The following CRK variants were observed in gnomAD, a reference collection of about 807,000 sequenced individuals.
CRK encodes the protein adapter molecule crk.
In CRK, 4 loss-of-function variants were observed where a neutral mutation model predicts 29.8. The observed-to-expected ratio is 0.13, with a 90% CI of 0.07 to 0.31. The LOEUF is 0.31. CRK is among the 10% of genes least tolerant of loss of function. The probability of loss-of-function intolerance (pLI) is 1.00; values close to 1 mark genes in which losing one functional copy is unlikely to be tolerated. For missense variants in CRK, 274 were observed against 396.5 expected (o/e 0.69, Z 2.62); for synonymous variants, 153 against 164.9 (o/e 0.93, Z 0.55).
At chr17:1,428,560 G>C (rs1179088436) in intron 2 of CRK, among the ~76,000 whole-genome samples, 1 of 115,870 alleles carries the variant, frequency 8.6e-6, no homozygotes, top group Non-Finnish European at 1.6e-5. Context: ...GTCTCACTCT[G>C]TTGCCCTGGC....
At chr17:1,431,157 T>G (rs952589418) in intron 2 of CRK, among the ~76,000 whole-genome samples, 2 of 152,190 alleles carry the variant, frequency 1.3e-5, no homozygotes, top group South Asian at 2.1e-4. Flanking sequence ...AAAATGCTCC[T>G]GAGGTCCCAA....
At chr17:1,436,169 A>AG in intron 2 of CRK, among the ~76,000 whole-genome samples, 1 of 152,114 alleles carries the variant, frequency 6.6e-6, no homozygotes, top group African/African-American at 2.4e-5. Flanking sequence ...ATTAGTGGTA[A>AG]GGAACTTCAA....
intron 1 of CRK, among the ~76,000 whole-genome samples, chr17:1,441,540 G>A (rs956723716): frequency 6.6e-6 from 1 of 151,690 alleles, no homozygotes; most frequent in African/African-American, 2.4e-5. Flanking sequence ...CACCCAGGCT[G>A]GAGTGCACTG....
At chr17:1,450,683 A>C (rs971503044) in intron 1 of CRK, among the ~76,000 whole-genome samples, 6 of 151,490 alleles carry the variant, frequency 4.0e-5, no homozygotes, top group African/African-American at 1.5e-4. Flanking sequence ...CAGGAGTTCA[A>C]GACCAGCCTG....
At chr17:1,426,170 G>C (rs543034744) in intron 2 of CRK, 1 of 152,090 alleles carries the variant, frequency 6.6e-6, no homozygotes, top group Non-Finnish European at 1.5e-5. Context: ...TGGGCAACAA[G>C]ACCCTGTCTG....
chr17:1,456,151 C>G lies in CRK; in HGVS notation c.-34G>C. On this transcript the variant is annotated 5_prime_UTR_variant, in exon 1 of 3. Coordinates refer to ENST00000300574, the MANE Select transcript of CRK (RefSeq NM_016823.4). The stretch of plus-strand genomic sequence containing the variant: ...CCGCGCCTAAACGCTGGGGTGCCGC[C>G]GCCGCGCGCGCCCCTCCGGCCCCCG... 2.8e-6 allele frequency: 4 copies of G among 1,444,554 alleles called. No homozygotes were observed. Among genetic ancestry groups the G allele is most frequent in the Non-Finnish European group, 3.6e-6 (4 of 1,098,752 alleles). The allele number at this position is 1,444,554 out of a possible 1,614,324, so 89.5% of individuals were successfully genotyped here. A position where few individuals can be genotyped will look rare whatever the true frequency, so the allele number is the denominator to read the frequency against.
chr17:1,440,167 T>A (rs976450468), intron 1 of CRK, among the ~76,000 whole-genome samples: 4 of 151,586 alleles, frequency 2.6e-5, no homozygotes, highest in African/African-American at 9.7e-5. Flanking sequence ...GGCGTGGTGG[T>A]GGGCACCTGT....
chr17:1,455,891 G>T lies in CRK; in HGVS notation c.227C>A (p.Ala76Asp). Reference sequence around the variant, plus strand: ...CAGTCCCTCACCGGGCGGAGGCTGGGCGGGCGACGGTGGCACCGGCGGGCG... The same window carrying T: ...CAGTCCCTCACCGGGCGGAGGCTGGTCGGGCGACGGTGGCACCGGCGGGCG... ...GPRPPVPPSPAQPPPGVSPSR... is the reference protein window; with the variant it reads ...GPRPPVPPSPDQPPPGVSPSR... Residue 76 changes from alanine (A) to aspartate (D), a missense_variant, in exon 1 of 3, where the codon GCC (alanine) becomes GAC (aspartate). This residue lies in a region of CRK where 135 missense variants were observed against 180.9 expected (regional missense o/e 0.75). Coordinates refer to ENST00000300574, the MANE Select transcript of CRK (RefSeq NM_016823.4). 6.3e-7 allele frequency: 1 copy of T among 1,588,072 alleles called. No homozygotes were observed. The highest frequency in any genetic ancestry group is 1.4e-5 in the African/African-American group (1 of 72,048).
Position 1,422,968 on chromosome 17 carries a change from CTAG to C in CRK, c.*542_*544del, listed in dbSNP as rs2073742312. 5.0e-6 allele frequency: 2 copies of C among 398,924 alleles called. No individual in the cohort carries two copies. The highest frequency in any genetic ancestry group is 8.8e-6 in the Non-Finnish European group (2 of 226,196). 24.7% of individuals were successfully genotyped at this position (398,924 alleles called of 1,614,324 possible). A position where few individuals can be genotyped will look rare whatever the true frequency, so the allele number is the denominator to read the frequency against. On this transcript the variant is annotated 3_prime_UTR_variant, in exon 3 of 3. Coordinates refer to ENST00000300574, the MANE Select transcript of CRK (RefSeq NM_016823.4). ...ATTGACTAGGAGGGAACAAATGCTTCTAGTAGTGTTCTTAGAATTCTTAGGATC... is the reference window on the plus strand; with the variant it reads ...ATTGACTAGGAGGGAACAAATGCTTCTAGTGTTCTTAGAATTCTTAGGATC...
chr17:1,424,461 T>C (rs973949075), intron 2 of CRK: 2 of 152,244 alleles, frequency 1.3e-5, no homozygotes, highest in African/African-American at 4.8e-5. Flanking sequence ...AAAGCGATCA[T>C]GGCAAGCATA....
intron 2 of CRK, chr17:1,424,786 G>T (rs958498525): frequency 6.6e-6 from 1 of 152,146 alleles, no homozygotes. Context: ...GACACAGGTG[G>T]ATGGATTGCT....
At chr17:1,433,974 A>G (rs1338988526) in intron 2 of CRK, among the ~76,000 whole-genome samples, 2 of 151,968 alleles carry the variant, frequency 1.3e-5, no homozygotes, top group Non-Finnish European at 2.9e-5. Flanking sequence ...TGCTGGGATT[A>G]CAGGCGTAAG....
intron 1 of CRK, 138 bp downstream of exon 1, chr17:1,455,739 A>G: frequency 8.0e-7 from 1 of 1,242,832 alleles, no homozygotes; most frequent in Non-Finnish European, 1.0e-6. Flanking sequence ...GAGCCCGAGC[A>G]GCCGGCGGGC....
chr17:1,441,271 G>A (rs145537808), intron 1 of CRK, among the ~76,000 whole-genome samples: 1 of 152,092 alleles, frequency 6.6e-6, no homozygotes, highest in African/African-American at 2.4e-5. Context: ...TGTGGCCCAG[G>A]CTCATCTTAA....
intron 2 of CRK, among the ~76,000 whole-genome samples, chr17:1,431,289 G>A (rs1428238803): frequency 2.0e-5 from 3 of 152,162 alleles, no homozygotes; most frequent in Non-Finnish European, 4.4e-5. Flanking sequence ...AGAGGAAGAA[G>A]GCCGGAGGGG....
At chr17:1,445,974 AG>A (rs2073971511) in intron 1 of CRK, among the ~76,000 whole-genome samples, 1 of 152,236 alleles carries the variant, frequency 6.6e-6, no homozygotes, top group Admixed American at 6.5e-5. Context: ...CATGTTGGCC[AG>A]GATGGTCTTG....
At chr17:1,436,297 AAAGC>A (rs2073885896) in intron 2 of CRK, among the ~76,000 whole-genome samples, 1 of 152,182 alleles carries the variant, frequency 6.6e-6, no homozygotes, top group Non-Finnish European at 1.5e-5. Context: ...CGACAAACAG[AAAGC>A]AAGAAACAGA....
rs550546738 is a variant in CRK, at chr17:1,440,016, T to C, written c.242-2861A>G. On this transcript the variant is annotated intron_variant, in intron 1 of 2. Transcript: ENST00000300574. ...AAAAATTATTTAAAAATTAGCCAGGTTGGACAGGCGCGGTGGCTCACGCCT... is the reference window on the plus strand; with the variant it reads ...AAAAATTATTTAAAAATTAGCCAGGCTGGACAGGCGCGGTGGCTCACGCCT... 2.6e-5 allele frequency among the ~76,000 whole-genome samples: 4 copies of C among 151,886 alleles called. No individual in the cohort carries two copies. In the East Asian group the frequency reaches 7.8e-4, roughly 29 times the overall value.
At chr17:1,454,774 G>C (rs1249560295) in intron 1 of CRK, among the ~76,000 whole-genome samples, 1 of 152,170 alleles carries the variant, frequency 6.6e-6, no homozygotes, top group African/African-American at 2.4e-5. Flanking sequence ...CACATACAAT[G>C]AGAACCCCAG....
Sources: gnomAD v4.1 joint callset for allele counts (sites outside exome capture counted in the v4.1 genomes callset) on GRCh38, gnomAD v4.1.1 for gene constraint, gnomAD v4.1.1 regional missense constraint, MANE v1.5 for transcripts, NCBI Gene and HGNC (gene_info 2026-07-23, HGNC 2026-07-21) for gene names.